ZNF717: variants seen among roughly 807,000 people sequenced by gnomAD.
ZNF717 encodes zinc finger protein 717.
In ZNF717, 9 loss-of-function variants were observed where a neutral mutation model predicts 13.8. That is an observed-to-expected ratio of 0.65 (90% CI 0.39 to 1.14). ZNF717 has a LOEUF of 1.14. Among genes scored for constraint, ZNF717 ranks in the 50% most tolerant of loss-of-function variants. The pLI is 0.01. For missense variants in ZNF717, 1,040 were observed against 1,080.7 expected (o/e 0.96, Z 0.53); for synonymous variants, 327 against 364.1 (o/e 0.90, Z 1.16).
chr3:75,781,224 A>G (rs1944795443), intron 2 of ZNF717, among the ~76,000 whole-genome samples: 1 of 152,260 alleles, frequency 6.6e-6, no homozygotes, highest in African/African-American at 2.4e-5. Flanking sequence ...GTCTTGGCCA[A>G]TCCCAGTGGC....
chr3:75,747,629 A>C (rs1312111805), intron 2 of ZNF717, among the ~76,000 whole-genome samples: 1 of 152,122 alleles, frequency 6.6e-6, no homozygotes, highest in Non-Finnish European at 1.5e-5. Context: ...GCAAATTTGA[A>C]TGGGAGTTCA....
downstream of ZNF717, among the ~76,000 whole-genome samples, chr3:75,725,335 A>G (rs1446074137): frequency 6.6e-6 from 1 of 152,270 alleles, no homozygotes; most frequent in Non-Finnish European, 1.5e-5. Context: ...CTCTTTAGCA[A>G]GGACTTGAAG....
rs757029200 is a variant in ZNF717 at position 75,741,668 on chromosome 3, A to G, written c.126T>C (p.Ala42=). ...TWEEWQDLDD[A]QRTLYRDVML... is the part of the protein sequence containing the mutation. ...TCACGTCCCTGTACAGGGTCCTCTG[A>G]GCATCATCCAGGTCCTGCCACTCCT... The change falls in exon 3 of 5, where the codon GCT becomes GCC. Residue 42 remains alanine, a synonymous_variant. Transcript: ENST00000652011. The G allele has an allele frequency of 7.5e-6, 12 of 1,599,604 alleles. No homozygotes were observed. Among genetic ancestry groups the G allele is most frequent in the Non-Finnish European group, 2.6e-6 (3 of 1,171,730 alleles).
In ZNF717 at chr3:75,738,925, A is replaced by G; in HGVS notation, c.698T>C (p.Val233Ala). 1.4e-6 allele frequency: 2 copies of G among 1,399,924 alleles called. No homozygotes were observed. Among genetic ancestry groups the G allele is most frequent in the Non-Finnish European group, 1.9e-6 (2 of 1,039,052 alleles). The allele number at this position is 1,399,924 out of a possible 1,614,324, so 86.7% of individuals were successfully genotyped here. Reference sequence around the variant, plus strand: ...TTCATTATATTTACCAAAGGTCTGTACTATATGAACCCTCTTATGTATAAA... The same window carrying G: ...TTCATTATATTTACCAAAGGTCTGTGCTATATGAACCCTCTTATGTATAAA... ...MFFIHKRVHIVQTFGKYNEYE... is the reference protein window; with the variant it reads ...MFFIHKRVHIAQTFGKYNEYE... Residue 233 changes from valine (V) to alanine (A), a missense_variant, in exon 5 of 5, where the codon GTA becomes GCA. Val to Ala is a moderately conservative substitution (Grantham distance 64, BLOSUM62 0). Coordinates refer to ENST00000652011, the MANE Select transcript of ZNF717 (RefSeq NM_001290208.3).
intron 6 of ZNF717, among the ~76,000 whole-genome samples, chr3:75,699,683 C>T (rs1937647358): frequency 6.6e-6 from 1 of 152,298 alleles, no homozygotes; most frequent in Non-Finnish European, 1.5e-5. Flanking sequence ...GAACCATGAG[C>T]CAATTAAACC....
intron 2 of ZNF717, among the ~76,000 whole-genome samples, chr3:75,750,362 C>G (rs1391135846): frequency 5.3e-5 from 8 of 151,544 alleles, no homozygotes; most frequent in Admixed American, 3.9e-4. Context: ...AATGTTTGTC[C>G]CTCACATAGG....
chr3:75,730,447 C>T (rs1938461596), exon 6 of ZNF717: 1 of 521,620 alleles, frequency 1.9e-6, no homozygotes, highest in Non-Finnish European at 3.3e-6. Context: ...GCCATGATCA[C>T]AGCTAGTTTG....
exon 6 of ZNF717, chr3:75,730,321 G>C (rs1480130065): frequency 7.3e-6 from 2 of 274,144 alleles, no homozygotes; most frequent in African/African-American, 4.5e-5. Flanking sequence ...AGGAGATGGA[G>C]CAGTGAGAAT....
intron 2 of ZNF717, among the ~76,000 whole-genome samples, chr3:75,743,012 G>C (rs1355759445): frequency 6.6e-6 from 1 of 152,206 alleles, no homozygotes; most frequent in African/African-American, 2.4e-5. Context: ...TGGCATTGCA[G>C]ATGAAGTGCA....
chr3:75,702,902 G>C (rs1937724556), intron 6 of ZNF717, among the ~76,000 whole-genome samples: 1 of 152,312 alleles, frequency 6.6e-6, no homozygotes, highest in South Asian at 2.1e-4. Flanking sequence ...GTCAATAGGG[G>C]CTTAAAAATT....
chr3:75,714,172 TCA>T (rs1194523065), intron 5 of ZNF717, among the ~76,000 whole-genome samples: 9 of 150,184 alleles, frequency 6.0e-5, no homozygotes, highest in Middle Eastern at 3.4e-3. Context: ...GGGCCTGACA[TCA>T]GTCAGGCCCT....
intron 2 of ZNF717, among the ~76,000 whole-genome samples, chr3:75,782,077 T>C (rs576221865): frequency 1.8e-4 from 27 of 152,244 alleles, no homozygotes; most frequent in African/African-American, 6.5e-4. Context: ...CCTGAACTCG[T>C]CTCAAAGTGT....
Position 75,748,330 on chromosome 3 carries a change from C to T in ZNF717, c.58-6594G>A, listed in dbSNP as rs1396614607. Reference sequence around the variant, plus strand: ...TAGAAAAAGAGGGAATCCTCCCTAACTCATTTTATGAGGCCAGCATCATCC... The same window carrying T: ...TAGAAAAAGAGGGAATCCTCCCTAATTCATTTTATGAGGCCAGCATCATCC... On this transcript the variant is annotated intron_variant, in intron 2 of 4. Transcript: ENST00000652011. Among the ~76,000 whole-genome samples the T allele has an allele frequency of 1.8e-4, 27 of 152,286 alleles. No individual in the cohort carries two copies. In the East Asian group the frequency reaches 5.2e-3, roughly 29 times the overall value.
downstream of ZNF717, among the ~76,000 whole-genome samples, chr3:75,732,954 G>A (rs796086081): frequency 6.6e-6 from 1 of 152,156 alleles, no homozygotes; most frequent in South Asian, 2.1e-4. Context: ...TCTCTGAGTA[G>A]TATGCTAAGG....
Position 75,737,790 on chromosome 3 carries a change from T to C in ZNF717, c.1833A>G (p.Arg611=). The C allele has an allele frequency of 3.2e-6, 5 of 1,551,654 alleles. No individual in the cohort carries two copies. Among genetic ancestry groups the C allele is most frequent in the South Asian group, 2.4e-5 (2 of 84,002 alleles). ...CATAGGGTCTTTCCCCTGTGTGAGT[T>C]CTCTTGTGTATCCCAAGGTTTAACT... ...INKLNLGIHK[R]THTGERPYEC... The change falls in exon 5 of 5, where the codon AGA becomes AGG. Residue 611 remains arginine (R), a synonymous_variant. Transcript: ENST00000652011.
At chr3:75,748,795 C>G (rs1941408430) in intron 2 of ZNF717, among the ~76,000 whole-genome samples, 1 of 152,172 alleles carries the variant, frequency 6.6e-6, no homozygotes, top group Admixed American at 6.5e-5. Context: ...CAGGGATGCC[C>G]TCTCTCATCA....
At chr3:75,703,557 T>TAAAA (rs985100470) in intron 6 of ZNF717, among the ~76,000 whole-genome samples, 2 of 152,020 alleles carry the variant, frequency 1.3e-5, no homozygotes, top group Non-Finnish European at 2.9e-5. Context: ...AATAAATAAA[T>TAAAA]AAAAATAAAA....
At chr3:75,698,161 AAAAG>A (rs1937625782) in intron 6 of ZNF717, among the ~76,000 whole-genome samples, 1 of 123,662 alleles carries the variant, frequency 8.1e-6, no homozygotes, top group Admixed American at 8.2e-5. Context: ...AAAAAAAAAA[AAAAG>A]GTTGTAACTT....
At chr3:75,764,846 C>A (rs1180157057) in intron 2 of ZNF717, among the ~76,000 whole-genome samples, 1 of 152,138 alleles carries the variant, frequency 6.6e-6, no homozygotes, top group Admixed American at 6.5e-5. Flanking sequence ...TATGATCCAG[C>A]CATCCAACTT....
Sources: allele counts gnomAD v4.1 joint callset (sites outside exome capture counted in the v4.1 genomes callset), GRCh38; gene constraint gnomAD v4.1.1; transcripts MANE v1.5; gene names NCBI Gene and HGNC (gene_info 2026-07-23, HGNC 2026-07-21).